C7orf78: variants seen among roughly 807,000 people sequenced by gnomAD.
C7orf78 encodes the protein chromosome 7 open reading frame 78, also known as putative uncharacterized protein C7orf78.
At chr7:12,538,133 A>T in the C7orf78 span, among the ~76,000 whole-genome samples, 1 of 152,196 alleles carries the variant, frequency 6.6e-6, no homozygotes, top group Non-Finnish European at 1.5e-5. Context: ...TTTAATATCT[A>T]TGCACTATTA....
At chr7:12,509,457 A>G in the C7orf78 span, among the ~76,000 whole-genome samples, 7 of 152,348 alleles carry the variant, frequency 4.6e-5, no homozygotes, top group South Asian at 8.3e-4. Flanking sequence ...GATTTATTCT[A>G]ATTAACCCAT....
the C7orf78 span, among the ~76,000 whole-genome samples, chr7:12,494,708 T>C: frequency 6.6e-5 from 10 of 152,322 alleles, no homozygotes; most frequent in Admixed American, 2.6e-4. Flanking sequence ...TAGAATTTAT[T>C]GAGGTTCTGT....
At chr7:12,536,427 G>A in the C7orf78 span, among the ~76,000 whole-genome samples, 6 of 152,086 alleles carry the variant, frequency 3.9e-5, no homozygotes, top group South Asian at 2.1e-4. Context: ...CACACAGCAC[G>A]GGGACCCTGG....
chr7:12,525,893 A>T, the C7orf78 span: 1 of 396,964 alleles, frequency 2.5e-6, no homozygotes, highest in Non-Finnish European at 4.4e-6. Flanking sequence ...AAATCACAAC[A>T]CTTAAGTACA....
chr7:12,513,892 A>T, the C7orf78 span, among the ~76,000 whole-genome samples: 312 of 152,172 alleles, frequency 2.1e-3, 4 homozygotes, highest in African/African-American at 7.2e-3. Context: ...CCCAGCTACT[A>T]GGGAGGCTGA....
the C7orf78 span, among the ~76,000 whole-genome samples, chr7:12,509,959 G>A: frequency 2.7e-4 from 41 of 151,188 alleles, no homozygotes; most frequent in South Asian, 8.4e-4. Flanking sequence ...ACTTGAACCC[G>A]GGAGGCAGAG....
chr7:12,514,209 T>C, the C7orf78 span, among the ~76,000 whole-genome samples: 3 of 152,132 alleles, frequency 2.0e-5, no homozygotes, highest in Non-Finnish European at 4.4e-5. Context: ...TAAAATTTGC[T>C]TTATAGATCT....
At chr7:12,485,997 G>T in the C7orf78 span, among the ~76,000 whole-genome samples, 1 of 152,058 alleles carries the variant, frequency 6.6e-6, no homozygotes, top group East Asian at 1.9e-4. Flanking sequence ...TCATGAAAAG[G>T]TATCTCCACT....
chr7:12,509,777 A>G, the C7orf78 span, among the ~76,000 whole-genome samples: 1 of 152,120 alleles, frequency 6.6e-6, no homozygotes, highest in Non-Finnish European at 1.5e-5. Context: ...ATCTCCATCC[A>G]TGTTACTGCA....
chr7:12,510,231 G>A, the C7orf78 span, among the ~76,000 whole-genome samples: 15 of 151,938 alleles, frequency 9.9e-5, no homozygotes, highest in East Asian at 2.7e-3. Flanking sequence ...GCTGGATCAC[G>A]ATCCAGCAGT....
chr7:12,510,961 C>G, the C7orf78 span, among the ~76,000 whole-genome samples: 1 of 152,068 alleles, frequency 6.6e-6, no homozygotes, highest in Admixed American at 6.5e-5. Flanking sequence ...AAATCTTTGC[C>G]TAAACCAATG....
At chr7:12,488,654 G>C in the C7orf78 span, among the ~76,000 whole-genome samples, 1 of 151,672 alleles carries the variant, frequency 6.6e-6, no homozygotes, top group Admixed American at 6.6e-5. Flanking sequence ...AGGCAGAGTG[G>C]TTTGAAACAG....
chr7:12,525,942 C>G, the C7orf78 span: 1,651 of 395,682 alleles, frequency 4.2e-3, 4 homozygotes, highest in Non-Finnish European at 4.8e-3. Context: ...GGAAAAAAAA[C>G]TCTGCATTCC....
chr7:12,538,947 T>C, the C7orf78 span, among the ~76,000 whole-genome samples: 1 of 152,178 alleles, frequency 6.6e-6, no homozygotes, highest in Non-Finnish European at 1.5e-5. Flanking sequence ...ACTAAAGGGC[T>C]CCACAGGTGG....
the C7orf78 span, among the ~76,000 whole-genome samples, chr7:12,493,937 A>G: frequency 1.3e-5 from 2 of 152,250 alleles, no homozygotes; most frequent in Non-Finnish European, 2.9e-5. Context: ...AATTGGACAA[A>G]TAAAACTGAA....
At chr7:12,514,540 A>G in the C7orf78 span, among the ~76,000 whole-genome samples, 3 of 151,816 alleles carry the variant, frequency 2.0e-5, no homozygotes, top group African/African-American at 7.3e-5. Context: ...ATTTACTTTC[A>G]AGGTTATTAT....
the C7orf78 span, among the ~76,000 whole-genome samples, chr7:12,511,175 A>C: frequency 5.3e-5 from 8 of 151,862 alleles, no homozygotes; most frequent in East Asian, 1.2e-3. Flanking sequence ...GGTGGCTTTG[A>C]GGAAGATAAG....
the C7orf78 span, among the ~76,000 whole-genome samples, chr7:12,495,863 T>C: frequency 2.6e-5 from 4 of 152,206 alleles, no homozygotes; most frequent in Admixed American, 2.0e-4. Context: ...AATCAGAGTG[T>C]TGAGGTTTTC....
chr7:12,513,425 C>A, the C7orf78 span, among the ~76,000 whole-genome samples: 12 of 152,070 alleles, frequency 7.9e-5, no homozygotes, highest in East Asian at 5.8e-4. Context: ...TTTGCTGTAT[C>A]CCACAGCTTT....
Sources: gnomAD v4.1 joint callset for allele counts (sites outside exome capture counted in the v4.1 genomes callset) on GRCh38, gnomAD v4.1.1 for gene constraint, MANE v1.5 for transcripts, NCBI Gene and HGNC (gene_info 2026-07-23, HGNC 2026-07-21) for gene names.